The following HUWE1 variants were observed in gnomAD, a reference collection of about 807,000 sequenced individuals.
The protein encoded by HUWE1 is HECT, UBA and WWE domain containing E3 ubiquitin protein ligase 1, also known as E3 ubiquitin-protein ligase HUWE1.
In HUWE1, 18 loss-of-function variants were observed where a neutral mutation model predicts 299.4. The ratio of observed to expected loss-of-function variants is 0.06; its 90% CI spans 0.04 to 0.09. The LOEUF (loss-of-function observed/expected upper bound fraction) is 0.09, where lower values mean the gene tolerates loss of function less well. Ranked by LOEUF, HUWE1 falls within the 10% of genes least tolerant of loss-of-function variation. HUWE1 has a pLI of 1.00. For synonymous variants in HUWE1, 1,317 were observed against 1,286.1 expected (o/e 1.02, Z -0.51); for missense variants, 1,832 against 3,462.3 (o/e 0.53, Z 11.82).
intron 3 of HUWE1, among the ~76,000 whole-genome samples, chrX:53,661,664 C>T (rs181121171): frequency 1.1e-3 from 123 of 112,289 alleles, no homozygotes; most frequent in African/African-American, 3.4e-3. Flanking sequence ...GAACTCAGGG[C>T]ACCAAGCAAT....
intron 63 of HUWE1, among the ~76,000 whole-genome samples, 159 bp downstream of exon 63, chrX:53,552,152 C>G (rs371971311): frequency 9.0e-6 from 1 of 111,488 alleles, no homozygotes; most frequent in African/African-American, 3.3e-5. Flanking sequence ...AGGCTGGACC[C>G]GTTTCATTAT....
chrX:53,635,631 T>A (rs1448322147), intron 7 of HUWE1, among the ~76,000 whole-genome samples: 1 of 112,102 alleles, frequency 8.9e-6, no homozygotes, highest in Non-Finnish European at 1.9e-5. Flanking sequence ...CATTATCATA[T>A]TTTTAAGTCT....
At chrX:53,631,098 G>T in intron 11 of HUWE1, 64 bp from the exon 12 acceptor site, 1 of 702,298 alleles carries the variant, frequency 1.4e-6, no homozygotes, top group Non-Finnish European at 2.3e-6. Flanking sequence ...TCTTTATGAG[G>T]GCTAACTCAA....
At chrX:53,653,138 C>T (rs1236410524) in intron 4 of HUWE1, among the ~76,000 whole-genome samples, 2 of 111,699 alleles carry the variant, frequency 1.8e-5, no homozygotes, top group African/African-American at 6.5e-5. Flanking sequence ...AGAGCAAAAC[C>T]CTGTCTCAAA....
chrX:53,632,371 G>A (rs143317310), intron 9 of HUWE1, 116 bp downstream of exon 9: 11 of 555,960 alleles, frequency 2.0e-5, no homozygotes, highest in African/African-American at 1.1e-4. Context: ...TATAGTTTGC[G>A]AGGGCAGCAG....
intron 33 of HUWE1, among the ~76,000 whole-genome samples, chrX:53,591,325 G>A (rs1176248964): frequency 1.8e-5 from 2 of 111,722 alleles, no homozygotes; most frequent in African/African-American, 6.5e-5. Flanking sequence ...ATTGGGTAAG[G>A]AGCCAAGAAG....
At chrX:53,538,227 C>T in intron 77 of HUWE1, 110 bp downstream of exon 77, 2 of 558,628 alleles carry the variant, frequency 3.6e-6, no homozygotes, top group East Asian at 6.8e-5. Context: ...ACCACCATTC[C>T]AAGTGCTGTC....
chrX:53,660,704 A>T (rs1332536473), intron 3 of HUWE1, among the ~76,000 whole-genome samples: 1 of 111,993 alleles, frequency 8.9e-6, no homozygotes, highest in African/African-American at 3.3e-5. Context: ...CCACTAGGGC[A>T]GTCACATAGC....
intron 46 of HUWE1, 55 bp from the exon 47 acceptor site, chrX:53,574,019 C>A (rs782025271): frequency 4.8e-6 from 5 of 1,040,243 alleles, no homozygotes; most frequent in Non-Finnish European, 6.7e-6. Flanking sequence ...CTGGCAAAAT[C>A]AAGTCTTAGG....
chrX:53,585,810 C>G (rs1556972786), intron 39 of HUWE1, among the ~76,000 whole-genome samples: 2 of 111,592 alleles, frequency 1.8e-5, no homozygotes, highest in African/African-American at 6.5e-5. Context: ...CCTCAGCCAC[C>G]TGAGTAGCTG....
chrX:53,600,775 T>C (rs781878823), intron 28 of HUWE1, among the ~76,000 whole-genome samples: 2 of 112,927 alleles, frequency 1.8e-5, no homozygotes, highest in Non-Finnish European at 3.7e-5. Context: ...ATATGCTTGC[T>C]CTTAGATCTA....
intron 4 of HUWE1, among the ~76,000 whole-genome samples, chrX:53,653,437 T>C (rs1226641072): frequency 4.5e-5 from 5 of 111,496 alleles, no homozygotes; most frequent in Non-Finnish European, 9.4e-5. Context: ...TTGTGCTCTC[T>C]GAACTAAGCA....
chrX:53,547,644 C>A, intron 68 of HUWE1, 29 bp downstream of exon 68: 1 of 1,207,904 alleles, frequency 8.3e-7, no homozygotes, highest in South Asian at 1.8e-5. Flanking sequence ...GTATATACCC[C>A]ACAGCTCCCA....
intron 3 of HUWE1, among the ~76,000 whole-genome samples, chrX:53,671,845 A>G (rs1021459326): frequency 9.2e-6 from 1 of 109,245 alleles, no homozygotes; most frequent in African/African-American, 3.4e-5. Context: ...TGACAGAGAC[A>G]TGGAACGGGT....
chrX:53,607,063 T>C (rs933950851), intron 25 of HUWE1, among the ~76,000 whole-genome samples: 1 of 111,428 alleles, frequency 9.0e-6, no homozygotes, highest in African/African-American at 3.3e-5. Context: ...AATACATGAC[T>C]ATCGGGCTTG....
intron 37 of HUWE1, among the ~76,000 whole-genome samples, 192 bp downstream of exon 37, chrX:53,588,190 G>A (rs2063958739): frequency 9.0e-6 from 1 of 111,548 alleles, no homozygotes; most frequent in African/African-American, 3.3e-5. Flanking sequence ...AGATAAAACT[G>A]TTATCATTCT....
chrX:53,552,719 G>A lies in HUWE1; in HGVS notation c.8669C>T (p.Pro2890Leu), dbSNP rs1556930398. Residue 2890 changes from proline to leucine, a missense_variant, in exon 62 of 84, where the codon CCT becomes CTT. Pro to Leu is a moderately conservative substitution (Grantham distance 98). This residue lies in a region of HUWE1 where 143 missense variants were observed against 148.1 expected (regional missense o/e 0.97). Coordinates refer to ENST00000262854, the MANE Select transcript of HUWE1 (RefSeq NM_031407.7). ...CGCCACAGCTGGTGGGGCATCCCCA[G>A]GAGTGGAGCTGCCTGCTCTGGGCTG... ...SEQPRAGSST[P>L]GDAPPAVAEV... 1 of 1,211,817 alleles carries A rather than the reference G, an allele frequency of 8.3e-7. No individual in the cohort carries two copies.
chrX:53,650,790 T>C (rs993814851), intron 4 of HUWE1, among the ~76,000 whole-genome samples: 1 of 110,989 alleles, frequency 9.0e-6, no homozygotes, highest in South Asian at 3.8e-4. Flanking sequence ...TCAAGGAAAA[T>C]AGACAACTCA....
chrX:53,569,571 G>A, intron 48 of HUWE1, 45 bp downstream of exon 48: 1 of 1,124,486 alleles, frequency 8.9e-7, no homozygotes, highest in Non-Finnish European at 1.2e-6. Flanking sequence ...AGAAGAATAA[G>A]GGGATGTTCT....
Sources: allele counts gnomAD v4.1 joint callset (sites outside exome capture counted in the v4.1 genomes callset), GRCh38; gene constraint gnomAD v4.1.1; regional missense constraint gnomAD v4.1.1; transcripts MANE v1.5; gene names NCBI Gene and HGNC (gene_info 2026-07-23, HGNC 2026-07-21).